Variants in IQCK observed in about 807,000 individuals in gnomAD.
IQCK encodes IQ domain-containing protein K.
In IQCK, 29 loss-of-function variants were observed where a neutral mutation model predicts 28.1. The observed-to-expected ratio is 1.03, with a 90% CI of 0.77 to 1.41. The LOEUF (loss-of-function observed/expected upper bound fraction) is 1.41, where lower values mean the gene tolerates loss of function less well. Among genes scored for constraint, IQCK ranks in the 40% most tolerant of loss-of-function variants. The pLI is 0.00. For synonymous variants in IQCK, 113 were observed against 115.1 expected (o/e 0.98, Z 0.12); for missense variants, 359 against 314.7 (o/e 1.14, Z -1.07).
At chr16:19,728,672 C>T (rs1260338865) in intron 1 of IQCK, among the ~76,000 whole-genome samples, 2 of 152,192 alleles carry the variant, frequency 1.3e-5, no homozygotes, top group East Asian at 3.8e-4. Flanking sequence ...TGATAAAACC[C>T]TGATCCATTC....
At chr16:19,849,002 G>T (rs1011750666) in intron 9 of IQCK, among the ~76,000 whole-genome samples, 2 of 152,050 alleles carry the variant, frequency 1.3e-5, no homozygotes, top group African/African-American at 2.4e-5. Context: ...GATGATCGGG[G>T]AGTTTCCCCT....
At chr16:19,842,588 A>T (rs977172933) in intron 9 of IQCK, among the ~76,000 whole-genome samples, 8 of 152,218 alleles carry the variant, frequency 5.3e-5, no homozygotes, top group Non-Finnish European at 8.8e-5. Flanking sequence ...GTGAAATGTC[A>T]TCCAGCAAAT....
intron 4 of IQCK, chr16:19,735,832 G>T: frequency 3.0e-6 from 1 of 337,382 alleles, no homozygotes. Flanking sequence ...GGAAGCTGAG[G>T]TGGGAGGATC....
chr16:19,743,480 A>G (rs952747825), intron 4 of IQCK, among the ~76,000 whole-genome samples: 2 of 152,224 alleles, frequency 1.3e-5, no homozygotes, highest in Admixed American at 6.5e-5. Flanking sequence ...CTAGGATTCA[A>G]GAATAGTAGT....
At chr16:19,739,297 T>G (rs1392496736) in intron 4 of IQCK, among the ~76,000 whole-genome samples, 2 of 152,226 alleles carry the variant, frequency 1.3e-5, no homozygotes, top group Non-Finnish European at 2.9e-5. Context: ...TTTCTCCTGA[T>G]GTGCTACTAC....
intron 7 of IQCK, among the ~76,000 whole-genome samples, chr16:19,821,041 C>T (rs1209528515): frequency 6.6e-6 from 1 of 151,994 alleles, no homozygotes; most frequent in Non-Finnish European, 1.5e-5. Flanking sequence ...ACTAGGATGG[C>T]TATAGTGAAA....
At chr16:19,742,708 T>A (rs2054854390) in intron 4 of IQCK, among the ~76,000 whole-genome samples, 1 of 152,252 alleles carries the variant, frequency 6.6e-6, no homozygotes, top group African/African-American at 2.4e-5. Flanking sequence ...TGCTCAAAAA[T>A]ACTTGCTGAT....
At chr16:19,750,382 C>G (rs977346225) in intron 4 of IQCK, among the ~76,000 whole-genome samples, 2 of 151,768 alleles carry the variant, frequency 1.3e-5, no homozygotes, top group African/African-American at 4.8e-5. Flanking sequence ...CCACCTTGGC[C>G]TCCCAAAGTG....
intron 4 of IQCK, among the ~76,000 whole-genome samples, chr16:19,747,666 C>A (rs959776056): frequency 2.0e-5 from 3 of 152,174 alleles, no homozygotes; most frequent in Admixed American, 1.3e-4. Context: ...CGAGTCTTCA[C>A]TGTCTGTCAT....
chr16:19,805,831 T>C (rs2055826075), intron 7 of IQCK, among the ~76,000 whole-genome samples: 2 of 150,434 alleles, frequency 1.3e-5, no homozygotes, highest in Non-Finnish European at 3.0e-5. Flanking sequence ...CCCCAAAGGC[T>C]CGGAGGCTAG....
chr16:19,760,649 G>A (rs2055124651), intron 4 of IQCK, among the ~76,000 whole-genome samples: 1 of 152,104 alleles, frequency 6.6e-6, no homozygotes, highest in Admixed American at 6.5e-5. Context: ...ATCTCCTGCT[G>A]GTCTCTCGTT....
At chr16:19,851,279 G>C (rs866649638) in intron 9 of IQCK, among the ~76,000 whole-genome samples, 11 of 152,132 alleles carry the variant, frequency 7.2e-5, no homozygotes, top group East Asian at 3.9e-4. Flanking sequence ...CAGCACTGAG[G>C]GGGAGGGGAT....
chr16:19,810,803 C>CA (rs1176927256), intron 7 of IQCK, among the ~76,000 whole-genome samples: 7,141 of 94,860 alleles, frequency 0.075, 499 homozygotes, highest in African/African-American at 0.23. Flanking sequence ...AAGACTCCAG[C>CA]AAAAAAAAAA....
chr16:19,738,189 C>G (rs2054782854), intron 4 of IQCK, among the ~76,000 whole-genome samples: 1 of 152,100 alleles, frequency 6.6e-6, no homozygotes, highest in African/African-American at 2.4e-5. Flanking sequence ...AGAGTTGGCC[C>G]TTGATAAATA....
intron 7 of IQCK, among the ~76,000 whole-genome samples, chr16:19,804,037 A>G (rs1011688162): frequency 3.9e-5 from 6 of 152,190 alleles, no homozygotes; most frequent in African/African-American, 1.4e-4. Flanking sequence ...TATATCAGTG[A>G]CTTTCCTATT....
Position 19,735,352 on chromosome 16 carries a change from G to T in IQCK, c.377-1G>T. On this transcript the variant is annotated splice_acceptor_variant, in intron 3 of 7. Coordinates refer to ENST00000564186, the Ensembl canonical transcript of IQCK. LOFTEE classifies it high-confidence loss of function. Reference sequence around the variant, plus strand: ...GGGGAATTTTTGTTTGTTTGTTTTAGGTTCTCCCAAAGAATATTTGGAAAC... The same window carrying T: ...GGGGAATTTTTGTTTGTTTGTTTTATGTTCTCCCAAAGAATATTTGGAAAC... 1 of 1,611,186 alleles carries T rather than the reference G, an allele frequency of 6.2e-7. No homozygotes were observed.
chr16:19,769,333 C>G (rs1196498812), intron 6 of IQCK, among the ~76,000 whole-genome samples: 1 of 152,194 alleles, frequency 6.6e-6, no homozygotes, highest in African/African-American at 2.4e-5. Flanking sequence ...TTAAAAGCAT[C>G]ACAGCATGTC....
intron 6 of IQCK, among the ~76,000 whole-genome samples, chr16:19,776,101 G>C (rs528009433): frequency 6.6e-6 from 1 of 152,030 alleles, no homozygotes; most frequent in South Asian, 2.1e-4. Context: ...GACTGGTCAT[G>C]AACTCCTGAC....
At chr16:19,733,143 A>T (rs112386972) in intron 2 of IQCK, among the ~76,000 whole-genome samples, 8,263 of 145,872 alleles carry the variant, frequency 0.057, 701 homozygotes, top group African/African-American at 0.19. Flanking sequence ...TTATTTATTT[A>T]TTTTTTTTTT....
Sources: allele counts gnomAD v4.1 joint callset (sites outside exome capture counted in the v4.1 genomes callset), GRCh38; gene constraint gnomAD v4.1.1; transcripts MANE v1.5; gene names NCBI Gene and HGNC (gene_info 2026-07-23, HGNC 2026-07-21).